The following NRG2 variants were observed in gnomAD, a reference collection of about 807,000 sequenced individuals.
NRG2 encodes the protein neuregulin 2.
NRG2 carries 27 observed loss-of-function variants against 73.9 expected under a neutral mutation model. That is an observed-to-expected ratio of 0.37 (90% CI 0.27 to 0.50). The LOEUF is 0.50. Ranked by LOEUF, NRG2 falls within the 20% of genes least tolerant of loss-of-function variation. NRG2 has a pLI of 0.96. For missense variants in NRG2, 1,126 were observed against 1,210.1 expected (o/e 0.93, Z 1.03); for synonymous variants, 532 against 541.0 (o/e 0.98, Z 0.23).
chr5:139,937,733 T>C (rs1382775647), intron 1 of NRG2, among the ~76,000 whole-genome samples: 1 of 152,180 alleles, frequency 6.6e-6, no homozygotes, highest in Non-Finnish European at 1.5e-5. Context: ...GTAAACCATA[T>C]CATTTGCAAT....
chr5:139,855,791 G>A lies in NRG2; in HGVS notation c.1190-13C>T. On this transcript the variant is annotated splice_polypyrimidine_tract_variant and intron_variant, in intron 5 of 9. Coordinates refer to ENST00000361474, the MANE Select transcript of NRG2 (RefSeq NM_004883.3). ...AGCTCCTCGGCTTCTGCAGAGGTAG[G>A]GTAGATGTGAGGGGTGGGGCAGGAG... is the stretch of plus-strand genomic sequence containing the variant. 2 of 1,608,404 alleles carry A rather than the reference G, an allele frequency of 1.2e-6. No homozygotes were observed. The highest frequency in any genetic ancestry group is 1.7e-6 in the Non-Finnish European group (2 of 1,175,076).
At position 140,043,251 on chromosome 5, in the gene NRG2, C is replaced by T; in HGVS notation, c.-182G>A. 1 of 616,008 alleles carries T rather than the reference C, an allele frequency of 1.6e-6. No homozygotes were observed. The highest frequency in any genetic ancestry group is 2.7e-6 in the Non-Finnish European group (1 of 367,434). 38.2% of individuals were successfully genotyped at this position (616,008 alleles called of 1,614,324 possible). On this transcript the variant is annotated 5_prime_UTR_variant, in exon 1 of 10. Coordinates refer to ENST00000361474, the MANE Select transcript of NRG2 (RefSeq NM_004883.3). The surrounding 1 kb of genome is among the most constrained non-coding windows in gnomAD (Gnocchi z 6.7). ...GGCAAGCGGGCCGCGATGCGCAGCG[C>T]GGCGCAGCGCAGCGCTCCCACCCTG...
At chr5:140,002,177 C>T (rs2126624825) in intron 1 of NRG2, among the ~76,000 whole-genome samples, 1 of 152,164 alleles carries the variant, frequency 6.6e-6, no homozygotes, top group African/African-American at 2.4e-5. Context: ...GAGAAAGAAC[C>T]TGTCTCAAAA....
intron 9 of NRG2, among the ~76,000 whole-genome samples, chr5:139,849,624 C>T (rs540887508): frequency 6.1e-4 from 93 of 152,338 alleles, no homozygotes; most frequent in African/African-American, 2.2e-3. Flanking sequence ...CCCACCTCCA[C>T]GCTTCCCTTC....
chr5:139,977,897 A>G (rs1405092855), intron 1 of NRG2, among the ~76,000 whole-genome samples: 2 of 152,252 alleles, frequency 1.3e-5, no homozygotes, highest in Admixed American at 6.5e-5. Context: ...CCAAATGTAG[A>G]AAGCTGAAAC....
chr5:140,003,503 C>G (rs186878682), intron 1 of NRG2, among the ~76,000 whole-genome samples: 1 of 152,142 alleles, frequency 6.6e-6, no homozygotes, highest in Non-Finnish European at 1.5e-5. Flanking sequence ...GAAAATGGAG[C>G]CAAGGAATGC....
At chr5:139,997,993 C>T (rs11953317) in intron 1 of NRG2, among the ~76,000 whole-genome samples, 2,563 of 152,278 alleles carry the variant, frequency 0.017, 68 homozygotes, top group African/African-American at 0.058. Flanking sequence ...GAGTGGGGTA[C>T]GTGGGGCCTG....
intron 3 of NRG2, 131 bp downstream of exon 3, chr5:139,880,725 G>C (rs1385153418): frequency 4.6e-6 from 3 of 649,514 alleles, no homozygotes; most frequent in East Asian, 5.5e-5. Flanking sequence ...TCTAGGGCTT[G>C]ATATGGCAGC....
rs182642591 is a variant in NRG2 at position 139,851,572 on chromosome 5, A to T, written c.1772+32T>A. The T allele has an allele frequency of 1.3e-4, 205 of 1,605,334 alleles. 2 individuals carry two copies. In the East Asian group the frequency reaches 2.9e-3, roughly 23 times the overall value. Reference sequence around the variant, plus strand: ...GCCAGTGGTGCCAGCCCTCTGGCTAAGCGGGGAATAGGTCAGGGGGTAGGA... The same window carrying T: ...GCCAGTGGTGCCAGCCCTCTGGCTATGCGGGGAATAGGTCAGGGGGTAGGA... On this transcript the variant is annotated intron_variant, in intron 9 of 9. Coordinates refer to ENST00000361474, the MANE Select transcript of NRG2 (RefSeq NM_004883.3). The surrounding 1 kb of genome is among the most constrained non-coding windows in gnomAD (Gnocchi z 4.2).
chr5:139,902,431 G>A (rs1764946458), intron 1 of NRG2, among the ~76,000 whole-genome samples: 1 of 152,186 alleles, frequency 6.6e-6, no homozygotes. Flanking sequence ...CTGAGTGTGT[G>A]GTCAAGGACC....
intron 2 of NRG2, among the ~76,000 whole-genome samples, chr5:139,885,668 C>G (rs1198814708): frequency 2.0e-5 from 3 of 151,730 alleles, no homozygotes; most frequent in Admixed American, 1.3e-4. Context: ...GCTGAAGTTA[C>G]CAGAGAAAGG....
rs902625134 is a variant in NRG2 at position 139,954,444 on chromosome 5, T to A, written c.701-66933A>T. On this transcript the variant is annotated intron_variant, in intron 1 of 9. Coordinates refer to ENST00000361474, the MANE Select transcript of NRG2 (RefSeq NM_004883.3). This position sits in a 1 kb window ranked among gnomAD's most constrained non-coding sequence, Gnocchi z 5.0. ...TCTCCTGGCTGTCCTGCCTGTTTTC[T>A]CCCTTCCAATTCATCCATCACACCA... Among the ~76,000 whole-genome samples the A allele has an allele frequency of 2.6e-5, 4 of 152,214 alleles. No homozygotes were observed. Among genetic ancestry groups the A allele is most frequent in the Admixed American group, 2.6e-4 (4 of 15,284 alleles).
At position 139,851,931 on chromosome 5, in the gene NRG2, G is replaced by T; in HGVS notation, c.1545-100C>A. 1 of 944,720 alleles carries T rather than the reference G, an allele frequency of 1.1e-6. No individual in the cohort carries two copies. The highest frequency in any genetic ancestry group is 1.6e-6 in the Non-Finnish European group (1 of 615,944). The allele number at this position is 944,720 out of a possible 1,614,324, so 58.5% of individuals were successfully genotyped here. A position where few individuals can be genotyped will look rare whatever the true frequency, so the allele number is the denominator to read the frequency against. Reference sequence around the variant, plus strand: ...CTCCCTGGCTCTTCTTCCACCTCGAGCTCCCTTAGCTCAATGCCCTTCTCC... The same window carrying T: ...CTCCCTGGCTCTTCTTCCACCTCGATCTCCCTTAGCTCAATGCCCTTCTCC... On this transcript the variant is annotated intron_variant, in intron 8 of 9. Coordinates refer to ENST00000361474, the MANE Select transcript of NRG2 (RefSeq NM_004883.3). This position sits in a 1 kb window ranked among gnomAD's most constrained non-coding sequence, Gnocchi z 4.2.
chr5:139,887,013 G>A lies in NRG2; in HGVS notation c.872+327C>T, dbSNP rs958856048. On this transcript the variant is annotated intron_variant, in intron 2 of 9. Coordinates refer to ENST00000361474, the MANE Select transcript of NRG2 (RefSeq NM_004883.3). This position sits in a 1 kb window ranked among gnomAD's most constrained non-coding sequence, Gnocchi z 4.5. ...GTTGGGGCTTTCAGACGCTACAGCA[G>A]GTTTTTCAAGAAGTTTTAGAGATGA... 3.3e-5 allele frequency among the ~76,000 whole-genome samples: 5 copies of A among 152,204 alleles called. No individual in the cohort carries two copies. The highest frequency in any genetic ancestry group is 7.3e-5 in the Non-Finnish European group (5 of 68,032).
intron 1 of NRG2, among the ~76,000 whole-genome samples, chr5:139,961,367 C>T (rs1273368261): frequency 2.7e-5 from 4 of 150,404 alleles, no homozygotes; most frequent in African/African-American, 9.8e-5. Context: ...TCCCTGCCCC[C>T]CTCCTCCCCT....
intron 1 of NRG2, among the ~76,000 whole-genome samples, chr5:140,013,972 A>G (rs972615281): frequency 1.3e-5 from 2 of 152,114 alleles, no homozygotes; most frequent in African/African-American, 2.4e-5. Context: ...TGTAGTGTCT[A>G]GGGCTCGAGT....
chr5:139,861,227 G>A (rs1343261209), intron 5 of NRG2, among the ~76,000 whole-genome samples: 1 of 152,214 alleles, frequency 6.6e-6, no homozygotes, highest in Non-Finnish European at 1.5e-5. Context: ...AGCCTGGATT[G>A]GCTCACTCTC....
chr5:139,931,570 A>T (rs1261190601), intron 1 of NRG2, among the ~76,000 whole-genome samples: 1 of 152,236 alleles, frequency 6.6e-6, no homozygotes, highest in Non-Finnish European at 1.5e-5. Flanking sequence ...AAGGAACTCC[A>T]ACTGGATCCA....
At chr5:139,976,369 A>G (rs1003847637) in intron 1 of NRG2, among the ~76,000 whole-genome samples, 1 of 152,246 alleles carries the variant, frequency 6.6e-6, no homozygotes, top group African/African-American at 2.4e-5. Flanking sequence ...TGAACCAGTT[A>G]AAGGTAATAA....
Sources: allele counts gnomAD v4.1 joint callset (sites outside exome capture counted in the v4.1 genomes callset), GRCh38; gene constraint gnomAD v4.1.1; non-coding constraint Gnocchi (gnomAD v3.1); transcripts MANE v1.5; gene names NCBI Gene and HGNC (gene_info 2026-07-23, HGNC 2026-07-21).